NAV3: variants seen among roughly 807,000 people sequenced by gnomAD.
NAV3 encodes the protein neuron navigator 3.
In NAV3, 87 loss-of-function variants were observed where a neutral mutation model predicts 244.7. That is an observed-to-expected ratio of 0.36 (90% CI 0.30 to 0.42). The LOEUF (loss-of-function observed/expected upper bound fraction) is 0.42, where lower values mean the gene tolerates loss of function less well. NAV3 is among the 20% of genes least tolerant of loss of function. The pLI is 1.00. For missense variants in NAV3, 2,663 were observed against 2,893.3 expected (o/e 0.92, Z 1.83); for synonymous variants, 1,126 against 1,042.2 (o/e 1.08, Z -1.55).
chr12:78,151,114 G>A (rs1234579827), intron 22 of NAV3, among the ~76,000 whole-genome samples: 1 of 151,854 alleles, frequency 6.6e-6, no homozygotes, highest in Non-Finnish European at 1.5e-5. Context: ...GTGCCAAATA[G>A]ATAATTCATG....
At chr12:78,122,478 T>G (rs1566167984) in intron 16 of NAV3, 50 bp downstream of exon 16, 1 of 1,516,574 alleles carries the variant, frequency 6.6e-7, no homozygotes, top group East Asian at 2.3e-5. Context: ...TTCCCTGCAC[T>G]ATGCCTAACC....
At chr12:78,081,746 G>A (rs1351681766) in intron 12 of NAV3, among the ~76,000 whole-genome samples, 1 of 152,116 alleles carries the variant, frequency 6.6e-6, no homozygotes, top group African/African-American at 2.4e-5. Context: ...TATCTTCCCT[G>A]GAGTTAAGGC....
chr12:78,119,262 T>C lies in NAV3; in HGVS notation c.3066T>C (p.Ser1022=), dbSNP rs1189381587. ...TPGKTDDAKA[S]EKGKAPLKGS... ...GGAAAACCGATGATGCCAAAGCTTC[T>C]GAGAAAGGAAAAGCTCCCCTAAAAG... The change falls in exon 15 of 40, where the codon TCT becomes TCC. Residue 1022 remains serine, a synonymous_variant. Transcript: ENST00000397909. The C allele has an allele frequency of 6.2e-7, 1 of 1,613,032 alleles. No homozygotes were observed. The highest frequency in any genetic ancestry group is 8.5e-7 in the Non-Finnish European group (1 of 1,179,706).
chr12:77,849,370 G>T (rs1877144116), intron 1 of NAV3, among the ~76,000 whole-genome samples: 1 of 152,096 alleles, frequency 6.6e-6, no homozygotes, highest in South Asian at 2.1e-4. Context: ...GGATAGAAAT[G>T]CCAGCTATGC....
rs186935021 is a variant in NAV3, at chr12:78,090,725, C to T, written c.2637-26047C>T. On this transcript the variant is annotated intron_variant, in intron 12 of 39. Coordinates refer to ENST00000397909, the MANE Select transcript of NAV3 (RefSeq NM_001024383.2). ...AAACTGTTACGGTTGACACATCACACCACTGTCTTTATGACCTATCTTTAA... is the reference window on the plus strand; with the variant it reads ...AAACTGTTACGGTTGACACATCACATCACTGTCTTTATGACCTATCTTTAA... 2.9e-4 allele frequency among the ~76,000 whole-genome samples: 44 copies of T among 152,158 alleles called. No homozygotes were observed. The East Asian group carries it at 3.1e-3, about 11-fold the overall frequency.
chr12:77,783,496 G>A (rs1870767270), intron 2 of NAV3: 1 of 152,240 alleles, frequency 6.6e-6, no homozygotes, highest in South Asian at 2.1e-4. Context: ...AGACCACAGT[G>A]GGAACCTCCA....
chr12:77,998,238 A>G (rs554439042), intron 6 of NAV3, 99 bp from the exon 7 acceptor site: 54 of 829,880 alleles, frequency 6.5e-5, no homozygotes, highest in Non-Finnish European at 6.8e-5. Context: ...AATAGATTTT[A>G]GAACATCATA....
At chr12:77,819,984 G>A (rs999301153) in intron 2 of NAV3, among the ~76,000 whole-genome samples, 1 of 152,090 alleles carries the variant, frequency 6.6e-6, no homozygotes, top group East Asian at 1.9e-4. Flanking sequence ...TAATATGGAA[G>A]TAAAGGGGAA....
intron 2 of NAV3, among the ~76,000 whole-genome samples, chr12:77,691,329 G>GTATATATATATA (rs1350161105): frequency 0.16 from 10,775 of 65,876 alleles, 2,548 homozygotes; most frequent in East Asian, 0.2. Flanking sequence ...AAGTATTTGT[G>GTATATATATATA]TATGTGTGTA....
intron 2 of NAV3, among the ~76,000 whole-genome samples, chr12:77,716,078 C>G (rs181503684): frequency 3.0e-4 from 45 of 152,106 alleles, no homozygotes; most frequent in African/African-American, 9.9e-4. Flanking sequence ...CTTTGAATCT[C>G]TTAGAATTTG....
intron 30 of NAV3, among the ~76,000 whole-genome samples, chr12:78,182,618 G>A (rs1018513890): frequency 6.6e-6 from 1 of 151,756 alleles, no homozygotes; most frequent in Non-Finnish European, 1.5e-5. Flanking sequence ...AAATCAAAGA[G>A]TTTAAATTTA....
rs531320391 is a variant in NAV3 at position 77,652,530 on chromosome 12, C to G, written c.72+80264C>G. On this transcript the variant is annotated intron_variant, in intron 2 of 8. Transcript: ENST00000550042. Reference sequence around the variant, plus strand: ...ACAACTGACAGGAACAATCAAAAGCCAAACTAGAATACTAAAAAGATGTAT... The same window carrying G: ...ACAACTGACAGGAACAATCAAAAGCGAAACTAGAATACTAAAAAGATGTAT... Among the ~76,000 whole-genome samples, 4 of 152,116 alleles carry G rather than the reference C, an allele frequency of 2.6e-5. No homozygotes were observed. In the East Asian group the frequency reaches 5.8e-4, roughly 22 times the overall value.
At chr12:77,984,898 C>G (rs577230415) in intron 5 of NAV3, among the ~76,000 whole-genome samples, 1 of 152,108 alleles carries the variant, frequency 6.6e-6, no homozygotes, top group Non-Finnish European at 1.5e-5. Context: ...CTCACTGCAA[C>G]TCCCACCTCC....
chr12:78,180,191 A>G (rs1354717958), intron 29 of NAV3, among the ~76,000 whole-genome samples: 1 of 152,092 alleles, frequency 6.6e-6, no homozygotes, highest in East Asian at 1.9e-4. Context: ...AAAAACATCT[A>G]AAGGCTAAAT....
At chr12:78,152,419 A>G (rs376989) in intron 22 of NAV3, among the ~76,000 whole-genome samples, 98,407 of 151,268 alleles carry the variant, frequency 0.65, 32,372 homozygotes, top group East Asian at 0.92. Context: ...TATATATCTG[A>G]ACATTTTTGT....
chr12:77,692,223 T>C (rs554078117), intron 2 of NAV3, among the ~76,000 whole-genome samples: 1 of 152,198 alleles, frequency 6.6e-6, no homozygotes, highest in South Asian at 2.1e-4. Flanking sequence ...TATTATTTCA[T>C]ATAGGAATAC....
intron 2 of NAV3, among the ~76,000 whole-genome samples, chr12:77,734,412 A>G (rs1209756751): frequency 6.6e-6 from 1 of 152,092 alleles, no homozygotes; most frequent in African/African-American, 2.4e-5. Flanking sequence ...AGCCACATGA[A>G]AATCTTTGAA....
intron 2 of NAV3, among the ~76,000 whole-genome samples, chr12:77,685,516 C>T (rs711139): frequency 0.82 from 123,312 of 151,214 alleles, 52,646 homozygotes; most frequent in East Asian, 1. Flanking sequence ...CATACCCACA[C>T]GCACACCATT....
chr12:78,169,993 C>G (rs919309892), intron 24 of NAV3, among the ~76,000 whole-genome samples: 6 of 151,618 alleles, frequency 4.0e-5, no homozygotes, highest in Admixed American at 6.6e-5. Flanking sequence ...ATCCTAAGCT[C>G]TCTTCCATTA....
Sources: gnomAD v4.1 joint callset for allele counts (sites outside exome capture counted in the v4.1 genomes callset) on GRCh38, gnomAD v4.1.1 for gene constraint, MANE v1.5 for transcripts, NCBI Gene and HGNC (gene_info 2026-07-23, HGNC 2026-07-21) for gene names.